The following C10orf90 variants were observed in gnomAD, a reference collection of about 807,000 sequenced individuals.
C10orf90 encodes the protein chromosome 10 open reading frame 90.
A neutral mutation model predicts 62.5 loss-of-function variants in C10orf90; 56 were observed. That is an observed-to-expected ratio of 0.90 (90% CI 0.72 to 1.12). The LOEUF is 1.12. C10orf90 is among the 50% of genes most tolerant of loss of function. The pLI is 0.00. For synonymous variants in C10orf90, 386 were observed against 340.4 expected, an observed-to-expected ratio of 1.13 and a Z score of -1.47; for missense variants, 970 against 880.4, an observed-to-expected ratio of 1.10 and a Z score of -1.29.
intron 7 of C10orf90, among the ~76,000 whole-genome samples, chr10:126,452,336 A>C (rs1233385513): frequency 6.6e-6 from 1 of 152,206 alleles, no homozygotes; most frequent in African/African-American, 2.4e-5. Flanking sequence ...ATCCAGTACA[A>C]GTCTGATAGT....
At chr10:126,518,159 G>A (rs761436083) in intron 2 of C10orf90, among the ~76,000 whole-genome samples, 5 of 151,906 alleles carry the variant, frequency 3.3e-5, no homozygotes, top group South Asian at 2.1e-4. Flanking sequence ...GTCCTACCCC[G>A]CATTGCTGTT....
intron 2 of C10orf90, among the ~76,000 whole-genome samples, chr10:126,523,805 C>A (rs7071597): frequency 0.74 from 112,738 of 151,698 alleles, 42,066 homozygotes; most frequent in Middle Eastern, 0.8. Flanking sequence ...ACTCTAGGAA[C>A]CTTATACAAA....
chr10:126,569,981 G>A (rs1294428832), intron 2 of C10orf90, among the ~76,000 whole-genome samples: 1 of 152,196 alleles, frequency 6.6e-6, no homozygotes, highest in Admixed American at 6.5e-5. Context: ...ATTCCATGGT[G>A]ACGGTACTAA....
intron 2 of C10orf90, among the ~76,000 whole-genome samples, chr10:126,607,041 T>A (rs1845327620): frequency 6.6e-6 from 1 of 152,226 alleles, no homozygotes; most frequent in Non-Finnish European, 1.5e-5. Context: ...AAGTTGTGAT[T>A]TGCCTTTGCC....
chr10:126,477,433 G>A (rs1860949703), intron 4 of C10orf90, among the ~76,000 whole-genome samples: 2 of 152,022 alleles, frequency 1.3e-5, no homozygotes, highest in African/African-American at 4.8e-5. Flanking sequence ...CACCCTCTGG[G>A]TCTACGTGGT....
intron 2 of C10orf90, among the ~76,000 whole-genome samples, chr10:126,543,409 A>T (rs1864420572): frequency 6.6e-6 from 1 of 152,228 alleles, no homozygotes; most frequent in Non-Finnish European, 1.5e-5. Context: ...GGCACATCTT[A>T]AGCACACAGT....
At chr10:126,628,840 T>C (rs1370103) in intron 2 of C10orf90, among the ~76,000 whole-genome samples, 59,974 of 151,878 alleles carry the variant, frequency 0.39, 12,141 homozygotes, top group South Asian at 0.53. Flanking sequence ...CTGGCAGGAG[T>C]GCAACTGGTG....
At chr10:126,534,000 G>A (rs906162496) in intron 2 of C10orf90, among the ~76,000 whole-genome samples, 5 of 152,150 alleles carry the variant, frequency 3.3e-5, no homozygotes, top group African/African-American at 1.2e-4. Flanking sequence ...TTAGACCAAA[G>A]CCTCCAAAAT....
rs200677693 is a variant in C10orf90 at position 126,620,451 on chromosome 10, AT to A, written c.313+26113del. Among the ~76,000 whole-genome samples the A allele has an allele frequency of 5.9e-3, 893 of 152,288 alleles. 8 individuals carry two copies. Among genetic ancestry groups the A allele is most frequent in the African/African-American group, 0.021 (861 of 41,542 alleles). On this transcript the variant is annotated intron_variant, in intron 2 of 9. Coordinates refer to ENST00000488181, the MANE Select transcript of C10orf90 (RefSeq NM_001350921.2). ...ACTCTGGCGTTTTTGGCCTTAATCA[AT>A]TTTTTAAAATATTAAAATTCACGTT...
intron 2 of C10orf90, among the ~76,000 whole-genome samples, chr10:126,642,328 C>A (rs368647965): frequency 2.6e-5 from 4 of 152,006 alleles, no homozygotes; most frequent in Admixed American, 6.6e-5. Flanking sequence ...GTCGGGAGAT[C>A]GAGACCATCC....
At chr10:126,521,000 C>G (rs1000132154) in intron 2 of C10orf90, 1 of 292,644 alleles carries the variant, frequency 3.4e-6, no homozygotes, top group Admixed American at 5.0e-5. Flanking sequence ...CCAATAAGGT[C>G]ACATTCACAG....
At chr10:126,631,268 G>T (rs150256260) in intron 2 of C10orf90, among the ~76,000 whole-genome samples, 1 of 152,032 alleles carries the variant, frequency 6.6e-6, no homozygotes, top group South Asian at 2.1e-4. Flanking sequence ...TCTCCAACTC[G>T]TTTTCCTACT....
intron 2 of C10orf90, among the ~76,000 whole-genome samples, chr10:126,618,673 A>T (rs1263885097): frequency 2.0e-5 from 3 of 152,170 alleles, no homozygotes; most frequent in Non-Finnish European, 2.9e-5. Context: ...AAAAAAAAAC[A>T]AATCACAAAG....
At chr10:126,454,039 G>A (rs954248640) in intron 7 of C10orf90, among the ~76,000 whole-genome samples, 3 of 152,074 alleles carry the variant, frequency 2.0e-5, no homozygotes, top group Admixed American at 1.3e-4. Flanking sequence ...GATAACCAGG[G>A]CCAGGTTCGA....
intron 2 of C10orf90, among the ~76,000 whole-genome samples, chr10:126,605,234 G>C (rs1027383616): frequency 6.6e-6 from 1 of 152,216 alleles, no homozygotes; most frequent in Non-Finnish European, 1.5e-5. Context: ...TCAGAGGGGC[G>C]TGTGCTTTGG....
chr10:126,534,224 C>T (rs1208387852), intron 2 of C10orf90, among the ~76,000 whole-genome samples: 2 of 152,220 alleles, frequency 1.3e-5, no homozygotes, highest in South Asian at 2.1e-4. Context: ...CACTGCAGAG[C>T]TTACCTGCTT....
At chr10:126,643,377 G>A (rs1325524289) in intron 2 of C10orf90, among the ~76,000 whole-genome samples, 4 of 152,164 alleles carry the variant, frequency 2.6e-5, no homozygotes, top group Non-Finnish European at 5.9e-5. Flanking sequence ...TCTCAGAGAA[G>A]CTAGACAGAA....
At chr10:126,539,770 A>T (rs1864331309) in intron 2 of C10orf90, among the ~76,000 whole-genome samples, 2 of 152,190 alleles carry the variant, frequency 1.3e-5, no homozygotes, top group South Asian at 2.1e-4. Context: ...TGACTTGTGA[A>T]TTTTTTAATT....
intron 4 of C10orf90, among the ~76,000 whole-genome samples, chr10:126,487,898 A>T (rs545738037): frequency 6.6e-6 from 1 of 152,326 alleles, no homozygotes; most frequent in African/African-American, 2.4e-5. Flanking sequence ...TGAGGGGATG[A>T]TGAGAAGTAA....
Sources: gnomAD v4.1 joint callset for allele counts (sites outside exome capture counted in the v4.1 genomes callset) on GRCh38, gnomAD v4.1.1 for gene constraint, MANE v1.5 for transcripts, NCBI Gene and HGNC (gene_info 2026-07-23, HGNC 2026-07-21) for gene names.